SERPINA12: variants seen among roughly 807,000 people sequenced by gnomAD.
SERPINA12 encodes the protein serpin family A member 12, also known as serpin A12.
In SERPINA12, 21 loss-of-function variants were observed where a neutral mutation model predicts 25.9. The observed-to-expected ratio is 0.81, with a 90% CI of 0.58 to 1.17. SERPINA12 has a LOEUF of 1.17. Ranked by LOEUF, SERPINA12 falls within the 50% of genes most tolerant of loss-of-function variation. SERPINA12 has a pLI of 0.00. For missense variants in SERPINA12, 562 were observed against 508.3 expected, an observed-to-expected ratio of 1.11 and a Z score of -1.02; for synonymous variants, 220 against 196.0, an observed-to-expected ratio of 1.12 and a Z score of -1.02.
intron 1 of SERPINA12, chr14:94,500,868 C>T (rs757217011): frequency 1.3e-4 from 128 of 985,206 alleles, no homozygotes; most frequent in Non-Finnish European, 1.5e-4. Flanking sequence ...CTCACAAATA[C>T]GGGCAGATAC....
intron 1 of SERPINA12, among the ~76,000 whole-genome samples, 63 bp downstream of exon 1, chr14:94,509,279 A>AACACAC (rs3065835): frequency 0.086 from 11,597 of 134,566 alleles, 577 homozygotes; most frequent in Middle Eastern, 0.18. Flanking sequence ...AGAAACAGAC[A>AACACAC]ACACACACAC....
chr14:94,501,153 C>A, intron 1 of SERPINA12: 6 of 985,322 alleles, frequency 6.1e-6, no homozygotes, highest in Non-Finnish European at 7.2e-6. Flanking sequence ...AGGAAGGAGT[C>A]CATTTCAGGG....
Position 94,497,923 on chromosome 14 carries a change from T to A in SERPINA12, c.475A>T (p.Ser159Cys). 6.2e-7 allele frequency: 1 copy of A among 1,614,220 alleles called. No homozygotes were observed. The highest frequency in any genetic ancestry group is 8.5e-7 in the Non-Finnish European group (1 of 1,180,040). Reference protein sequence around the residue: ...KFLEDAKNFYSAETILTNFQN... With the variant: ...KFLEDAKNFYCAETILTNFQN... ...AAGTTGGTAAGGATGGTTTCGGCAC[T>A]GTAAAAGTTCTTGGCATCTTCCAAA... Residue 159 changes from serine (S) to cysteine (C), a missense_variant, in exon 2 of 5, where the codon AGT becomes TGT. Ser to Cys is a moderately radical substitution (Grantham distance 112, BLOSUM62 -1). Coordinates refer to ENST00000677451, the MANE Select transcript of SERPINA12 (RefSeq NM_001382267.1).
chr14:94,510,739 C>G (rs534805352), upstream of SERPINA12, among the ~76,000 whole-genome samples: 1 of 152,286 alleles, frequency 6.6e-6, no homozygotes, highest in African/African-American at 2.4e-5. Flanking sequence ...GTGGTATATA[C>G]ACACCATGGA....
Position 94,497,868 on chromosome 14 carries a change from A to T in SERPINA12, c.530T>A (p.Ile177Asn), listed in dbSNP as rs756856172. The change falls in exon 2 of 5, where the codon ATC becomes AAC. Residue 177 changes from isoleucine to asparagine, a missense_variant. Ile to Asn is a moderately radical substitution (Grantham distance 149). Transcript: ENST00000677451. ...GGTTTTTTGACTGATAAAGTCATTG[A>T]TCTGCTTCTGAGCCATTTCCAAATT... is the stretch of plus-strand genomic sequence containing the variant. ...FQNLEMAQKQ[I>N]NDFISQKTHG... is the part of the protein sequence containing the mutation. 3.1e-6 allele frequency: 5 copies of T among 1,614,160 alleles called. No homozygotes were observed. In the Admixed American group the frequency reaches 8.3e-5, roughly 27 times the overall value.
At chr14:94,490,006 T>G (rs1255017849) in intron 3 of SERPINA12, among the ~76,000 whole-genome samples, 3 of 151,452 alleles carry the variant, frequency 2.0e-5, no homozygotes, top group Non-Finnish European at 2.9e-5. Context: ...CTACAGGGAG[T>G]GTTCTCAAGT....
At chr14:94,495,025 T>A (rs1320884104) in intron 3 of SERPINA12, among the ~76,000 whole-genome samples, 1 of 151,730 alleles carries the variant, frequency 6.6e-6, no homozygotes, top group Non-Finnish European at 1.5e-5. Context: ...CCCAGTACCA[T>A]GACTTAATTG....
rs148689361 is a variant in SERPINA12, at chr14:94,496,528, G to A, written c.750C>T (p.Gly250=). 3.5e-4 allele frequency: 561 copies of A among 1,613,966 alleles called. 4 individuals carry two copies. In the African/African-American group the frequency reaches 6.9e-3, roughly 20 times the overall value. ...MMFRSGIYQV[G]YDDKLSCTIL... is the part of the protein sequence containing the mutation. ...TGGTGCAAGAGAGCTTATCGTCATA[G>A]CCAACTTGGTATATGCCACTACGGA... Residue 250 remains glycine, a synonymous_variant, in exon 3 of 5, where the codon GGC becomes GGT. Transcript: ENST00000677451.
chr14:94,501,104 T>G, intron 1 of SERPINA12: 2 of 985,268 alleles, frequency 2.0e-6, no homozygotes, highest in Non-Finnish European at 2.4e-6. Context: ...GAGAAATTAG[T>G]AAAATTCCCA....
intron 3 of SERPINA12, among the ~76,000 whole-genome samples, chr14:94,496,027 C>T (rs188252145): frequency 2.6e-5 from 4 of 152,160 alleles, no homozygotes; most frequent in South Asian, 2.1e-4. Context: ...TTTTACAGCC[C>T]GTGTTTGTCC....
intron 4 of SERPINA12, among the ~76,000 whole-genome samples, chr14:94,489,285 A>C (rs943159437): frequency 1.3e-5 from 2 of 151,840 alleles, no homozygotes; most frequent in African/African-American, 2.4e-5. Context: ...AAAGAAAAGA[A>C]AGAAAGAAAG....
chr14:94,498,066 T>C lies in SERPINA12; in HGVS notation c.332A>G (p.Asp111Gly), dbSNP rs1410151394. 2 of 1,614,056 alleles carry C rather than the reference T, an allele frequency of 1.2e-6. No homozygotes were observed. Among genetic ancestry groups the C allele is most frequent in the Non-Finnish European group, 1.7e-6 (2 of 1,180,046 alleles). ...GATGTAATGGAAGCCCTCATGAAGA[T>C]CTTTTTCTGGCATCTTTCTGAAGTT... is the stretch of plus-strand genomic sequence containing the variant. ...GFNFRKMPEK[D>G]LHEGFHYIIH... is the part of the protein sequence containing the mutation. The change falls in exon 2 of 5, where the codon GAT becomes GGT. Residue 111 changes from aspartate to glycine, a missense_variant. Coordinates refer to ENST00000677451, the MANE Select transcript of SERPINA12 (RefSeq NM_001382267.1).
chr14:94,510,043 G>A (rs908032311), upstream of SERPINA12: 25 of 985,228 alleles, frequency 2.5e-5, no homozygotes, highest in African/African-American at 3.5e-5. Flanking sequence ...CCCCACTCCC[G>A]AGCTCTGGGA....
upstream of SERPINA12, chr14:94,510,099 C>A: frequency 2.0e-6 from 2 of 985,404 alleles, no homozygotes; most frequent in Non-Finnish European, 2.4e-6. Context: ...ACATAGGTGA[C>A]TCATAATGCA....
chr14:94,496,165 C>A (rs940700720), intron 3 of SERPINA12, among the ~76,000 whole-genome samples: 1 of 152,164 alleles, frequency 6.6e-6, no homozygotes, highest in Non-Finnish European at 1.5e-5. Flanking sequence ...CCATCTACTG[C>A]GCCCTCACAG....
intron 1 of SERPINA12, among the ~76,000 whole-genome samples, chr14:94,507,898 C>T (rs754882725): frequency 1.3e-5 from 2 of 152,198 alleles, no homozygotes; most frequent in Non-Finnish European, 2.9e-5. Flanking sequence ...CTGCAATGTC[C>T]ATAGCAGCTT....
In SERPINA12 at chr14:94,496,421, C is replaced by G; in HGVS notation, c.857G>C (p.Gly286Ala). The G allele has an allele frequency of 6.2e-7, 1 of 1,614,180 alleles. No homozygotes were observed. Among genetic ancestry groups the G allele is most frequent in the Non-Finnish European group, 8.5e-7 (1 of 1,180,032 alleles). Residue 286 changes from glycine (G) to alanine (A), a missense_variant, in exon 3 of 5, where the codon GGA becomes GCA. Coordinates refer to ENST00000677451, the MANE Select transcript of SERPINA12 (RefSeq NM_001382267.1). ...DEGKLKHLEK[G>A]LQVDTFSRWK... The stretch of plus-strand genomic sequence containing the variant: ...TCTGGAGAAAGTGTCCACCTGCAAT[C>G]CCTTCTCCAAGTGCTTCAGCTTGCC...
At chr14:94,514,672 G>C (rs1282437723) in intron 2 of SERPINA12, among the ~76,000 whole-genome samples, 4 of 152,180 alleles carry the variant, frequency 2.6e-5, no homozygotes, top group African/African-American at 9.7e-5. Flanking sequence ...TCTATTCCAG[G>C]GACTTGGTCT....
chr14:94,498,881 G>A (rs1304656619), intron 1 of SERPINA12, among the ~76,000 whole-genome samples: 1 of 152,132 alleles, frequency 6.6e-6, no homozygotes, highest in African/African-American at 2.4e-5. Flanking sequence ...CTAAGCTTTG[G>A]GGCAGCTAGC....
Sources: allele counts gnomAD v4.1 joint callset (sites outside exome capture counted in the v4.1 genomes callset), GRCh38; gene constraint gnomAD v4.1.1; transcripts MANE v1.5; gene names NCBI Gene and HGNC (gene_info 2026-07-23, HGNC 2026-07-21).